Variants in RBPJ observed in about 807,000 individuals in gnomAD.
The protein encoded by RBPJ is recombination signal binding protein for immunoglobulin kappa J region.
In RBPJ, 9 loss-of-function variants were observed where a neutral mutation model predicts 67.8. The ratio of observed to expected loss-of-function variants is 0.13; its 90% CI spans 0.08 to 0.23. The LOEUF is 0.23. Among genes scored for constraint, RBPJ ranks in the 10% least tolerant of loss-of-function variants. RBPJ has a pLI of 1.00. For missense variants in RBPJ, 305 were observed against 595.6 expected (o/e 0.51, Z 5.08); for synonymous variants, 198 against 203.3 (o/e 0.97, Z 0.22).
At chr4:26,169,000 C>T (rs1050147896) in intron 1 of RBPJ, among the ~76,000 whole-genome samples, 12 of 152,192 alleles carry the variant, frequency 7.9e-5, no homozygotes, top group Non-Finnish European at 1.5e-5. Flanking sequence ...TTTCAACTTC[C>T]TTGCCTTTGG....
the RBPJ span, among the ~76,000 whole-genome samples, chr4:26,126,215 G>T: frequency 2.0e-5 from 3 of 152,290 alleles, no homozygotes; most frequent in East Asian, 5.8e-4. Context: ...TAGGGATTTG[G>T]GATACAAAGA....
At position 26,402,339 on chromosome 4, in the gene RBPJ, A is replaced by G. The variant is rs573686625; in HGVS notation, c.60-3836A>G. 6.6e-5 allele frequency among the ~76,000 whole-genome samples: 10 copies of G among 152,304 alleles called. 1 individual carries two copies. Among genetic ancestry groups the G allele is most frequent in the South Asian group, 4.1e-4 (2 of 4,822 alleles). On this transcript the variant is annotated intron_variant, in intron 2 of 10. Coordinates refer to ENST00000355476, the MANE Select transcript of RBPJ (RefSeq NM_015874.6). Reference sequence around the variant, plus strand: ...TCCCTCCCTTGGAATGTTAGTGGGAATCGGCACCATTAATTTTGGATTCCA... The same window carrying G: ...TCCCTCCCTTGGAATGTTAGTGGGAGTCGGCACCATTAATTTTGGATTCCA...
At chr4:26,216,639 G>C (rs538589671) in intron 1 of RBPJ, among the ~76,000 whole-genome samples, 12 of 152,228 alleles carry the variant, frequency 7.9e-5, no homozygotes, top group Admixed American at 2.6e-4. Flanking sequence ...TTGAGGGCGA[G>C]CATAGTGGCT....
chr4:26,369,478 A>G (rs978281305), intron 1 of RBPJ, among the ~76,000 whole-genome samples: 1 of 152,106 alleles, frequency 6.6e-6, no homozygotes, highest in African/African-American at 2.4e-5. Context: ...AAGTGTTGGG[A>G]TTTTTTCTTT....
intron 1 of RBPJ, among the ~76,000 whole-genome samples, chr4:26,168,525 T>C (rs1418422153): frequency 6.6e-6 from 1 of 152,180 alleles, no homozygotes; most frequent in African/African-American, 2.4e-5. Flanking sequence ...TCATTTCAAC[T>C]TTGGTGAATC....
At chr4:26,263,943 C>T (rs1307413463) in intron 1 of RBPJ, among the ~76,000 whole-genome samples, 3 of 151,564 alleles carry the variant, frequency 2.0e-5, no homozygotes, top group Non-Finnish European at 4.4e-5. Flanking sequence ...CGTGCGATCT[C>T]GGCTCACTGC....
chr4:26,140,387 C>T, the RBPJ span, among the ~76,000 whole-genome samples: 3 of 152,174 alleles, frequency 2.0e-5, no homozygotes, highest in Non-Finnish European at 4.4e-5. Flanking sequence ...TTTATGAGCA[C>T]ACATAACTGA....
rs1736407377 is a variant in RBPJ, at chr4:26,433,491, G to T, written c.*2484G>T. The T allele has an allele frequency of 6.6e-6, 1 of 152,138 alleles. No individual in the cohort carries two copies. The highest frequency in any genetic ancestry group is 2.1e-4 in the South Asian group (1 of 4,828). The allele number at this position is 152,138 out of a possible 1,614,324, so 9.4% of individuals were successfully genotyped here. ...TTGTAGCTCAAAAATAATTTTTCAA[G>T]TTCATGACCTTATTAAAATGAACTT... On this transcript the variant is annotated 3_prime_UTR_variant, in exon 11 of 11. Coordinates refer to ENST00000355476, the MANE Select transcript of RBPJ (RefSeq NM_015874.6).
intron 1 of RBPJ, among the ~76,000 whole-genome samples, chr4:26,333,673 C>T (rs529103956): frequency 6.6e-6 from 1 of 152,194 alleles, no homozygotes; most frequent in South Asian, 2.1e-4. Flanking sequence ...TACAGGCATG[C>T]ATCATTGTGC....
chr4:26,202,377 T>C (rs148255816), intron 1 of RBPJ, among the ~76,000 whole-genome samples: 30 of 151,964 alleles, frequency 2.0e-4, no homozygotes, highest in African/African-American at 7.2e-4. Flanking sequence ...GGCTGCCTAC[T>C]TGACACCTCC....
At chr4:26,401,364 T>C (rs895535464) in intron 2 of RBPJ, among the ~76,000 whole-genome samples, 14 of 152,266 alleles carry the variant, frequency 9.2e-5, no homozygotes, top group Admixed American at 4.6e-4. Flanking sequence ...CACTCTTCAG[T>C]ATCATCTTGG....
At chr4:26,137,831 C>T in the RBPJ span, among the ~76,000 whole-genome samples, 1 of 152,190 alleles carries the variant, frequency 6.6e-6, no homozygotes, top group Non-Finnish European at 1.5e-5. Context: ...TCAGCCCTCC[C>T]TAGTCTCAGG....
intron 1 of RBPJ, among the ~76,000 whole-genome samples, chr4:26,375,934 T>A (rs1355592980): frequency 6.6e-6 from 1 of 152,184 alleles, no homozygotes; most frequent in African/African-American, 2.4e-5. Flanking sequence ...ATACATATAC[T>A]CCTCAGGTTC....
chr4:26,226,160 A>G (rs956657366), intron 1 of RBPJ, among the ~76,000 whole-genome samples: 4 of 151,698 alleles, frequency 2.6e-5, no homozygotes, highest in East Asian at 1.9e-4. Context: ...AAAAAAAAAA[A>G]AAAGAAAGGA....
At chr4:26,213,412 C>T (rs928742582) in intron 1 of RBPJ, among the ~76,000 whole-genome samples, 14 of 152,124 alleles carry the variant, frequency 9.2e-5, no homozygotes, top group African/African-American at 2.7e-4. Flanking sequence ...AAGAATAAGC[C>T]TGGCTTAGGA....
At chr4:26,260,847 A>G (rs146189843) in intron 1 of RBPJ, among the ~76,000 whole-genome samples, 29 of 151,958 alleles carry the variant, frequency 1.9e-4, no homozygotes, top group Admixed American at 1.1e-3. Context: ...CACTGAATCT[A>G]CCCTAATCCC....
intron 1 of RBPJ, among the ~76,000 whole-genome samples, chr4:26,277,461 G>A (rs1174413967): frequency 2.6e-5 from 4 of 152,204 alleles, no homozygotes; most frequent in Non-Finnish European, 5.9e-5. Flanking sequence ...CTTGGGACCA[G>A]GACGAGGCTG....
At chr4:26,139,275 C>T in the RBPJ span, among the ~76,000 whole-genome samples, 1 of 152,188 alleles carries the variant, frequency 6.6e-6, no homozygotes, top group African/African-American at 2.4e-5. Context: ...AGAATAAGTT[C>T]ATGTTAAGTG....
chr4:26,189,507 A>T (rs1476797353), intron 1 of RBPJ, among the ~76,000 whole-genome samples: 3 of 152,020 alleles, frequency 2.0e-5, no homozygotes, highest in Admixed American at 2.0e-4. Context: ...AAAATGCAAA[A>T]ATTAGCCGGA....
Sources: allele counts gnomAD v4.1 joint callset (sites outside exome capture counted in the v4.1 genomes callset), GRCh38; gene constraint gnomAD v4.1.1; transcripts MANE v1.5; gene names NCBI Gene and HGNC (gene_info 2026-07-23, HGNC 2026-07-21).